Variants in BACH2 observed in about 807,000 individuals in gnomAD.
BACH2 encodes BACH transcriptional regulator 2.
BACH2 carries 5 observed loss-of-function variants against 61.8 expected under a neutral mutation model. That is an observed-to-expected ratio of 0.08 (90% confidence interval 0.04 to 0.17). BACH2 has a LOEUF of 0.17. Among genes scored for constraint, BACH2 ranks in the 10% least tolerant of loss-of-function variants. BACH2 has a pLI of 1.00. For synonymous variants in BACH2, 446 were observed against 440.1 expected (o/e 1.01, Z -0.17); for missense variants, 824 against 1,091.1 (o/e 0.76, Z 3.45).
At chr6:90,085,219 C>A (rs1276802525) in intron 5 of BACH2, among the ~76,000 whole-genome samples, 1 of 152,122 alleles carries the variant, frequency 6.6e-6, no homozygotes, top group African/African-American at 2.4e-5. Flanking sequence ...AAACAGGCAT[C>A]ATAATAATCA....
intron 5 of BACH2, among the ~76,000 whole-genome samples, chr6:90,023,842 C>T (rs959113553): frequency 6.6e-6 from 1 of 152,192 alleles, no homozygotes; most frequent in African/African-American, 2.4e-5. Context: ...ACAATGCTGG[C>T]ATCCTGATCT....
At chr6:90,106,846 A>G (rs1204928649) in intron 4 of BACH2, among the ~76,000 whole-genome samples, 2 of 152,232 alleles carry the variant, frequency 1.3e-5, no homozygotes, top group Non-Finnish European at 2.9e-5. Context: ...CTTGTAGCCT[A>G]AAAACACTGG....
At chr6:90,147,839 T>C (rs927288815) in intron 4 of BACH2, among the ~76,000 whole-genome samples, 1 of 152,184 alleles carries the variant, frequency 6.6e-6, no homozygotes, top group Non-Finnish European at 1.5e-5. Flanking sequence ...TTTCACAAAA[T>C]GATGTTTCAA....
Position 90,150,445 on chromosome 6 carries a change from A to C in BACH2, c.-162+56124T>G, listed in dbSNP as rs188178513. ...AGTCTCAATTTTACTTTCTAGTCTTATTCACATCTACTATCTAACACTTAT... is the reference window on the plus strand; with the variant it reads ...AGTCTCAATTTTACTTTCTAGTCTTCTTCACATCTACTATCTAACACTTAT... On this transcript the variant is annotated intron_variant, in intron 4 of 8. Coordinates refer to ENST00000257749, the MANE Select transcript of BACH2 (RefSeq NM_021813.4). Among the ~76,000 whole-genome samples, 10 of 152,320 alleles carry C rather than the reference A, an allele frequency of 6.6e-5. No individual in the cohort carries two copies. In the East Asian group the frequency reaches 1.9e-3, roughly 29 times the overall value.
intron 3 of BACH2, among the ~76,000 whole-genome samples, chr6:90,213,462 G>A (rs1769425433): frequency 1.3e-5 from 2 of 152,150 alleles, no homozygotes; most frequent in African/African-American, 2.4e-5. Context: ...CTCTCTACCT[G>A]CCTCTTGGCC....
chr6:90,119,760 T>A (rs894647069), intron 4 of BACH2, among the ~76,000 whole-genome samples: 16 of 152,158 alleles, frequency 1.1e-4, no homozygotes, highest in African/African-American at 3.9e-4. Context: ...TAGTTACTAG[T>A]AAAAACAATC....
chr6:90,013,162 T>C (rs899076601), intron 5 of BACH2, among the ~76,000 whole-genome samples: 3 of 152,238 alleles, frequency 2.0e-5, no homozygotes, highest in African/African-American at 7.2e-5. Flanking sequence ...AGCCTGTTTT[T>C]TCTTGGTAGA....
chr6:89,963,657 TA>T (rs1774881164), intron 6 of BACH2, among the ~76,000 whole-genome samples: 1 of 152,136 alleles, frequency 6.6e-6, no homozygotes. Context: ...GAAGGTTCCT[TA>T]AAAAATTACA....
At position 90,004,625 on chromosome 6, in the gene BACH2, T is replaced by C. The variant is rs545969118; in HGVS notation, c.243+3977A>G. 6.6e-5 allele frequency among the ~76,000 whole-genome samples: 10 copies of C among 152,320 alleles called. No homozygotes were observed. In the East Asian group the frequency reaches 1.9e-3, roughly 29 times the overall value. On this transcript the variant is annotated intron_variant, in intron 6 of 8. Transcript: ENST00000257749. ...CTTCTAAGGAAGCACATCCCCTCCC[T>C]GTCCTCTGAACTTGACACGCCATAA...
chr6:90,159,974 C>T (rs1282386415), intron 4 of BACH2, among the ~76,000 whole-genome samples: 1 of 152,146 alleles, frequency 6.6e-6, no homozygotes, highest in Non-Finnish European at 1.5e-5. Context: ...TTTCAACGAG[C>T]TTTCAAAGTA....
intron 6 of BACH2, among the ~76,000 whole-genome samples, chr6:90,002,438 C>A (rs554391756): frequency 1.3e-5 from 2 of 152,336 alleles, no homozygotes; most frequent in African/African-American, 4.8e-5. Flanking sequence ...TACTAGACAT[C>A]TTTACTTAGA....
At chr6:90,165,086 A>G (rs879875801) in intron 4 of BACH2, among the ~76,000 whole-genome samples, 176 of 152,324 alleles carry the variant, frequency 1.2e-3, no homozygotes, top group Middle Eastern at 6.8e-3. Context: ...GGAGAAGGAA[A>G]TAAAGGGTAT....
chr6:90,091,221 C>A (rs1356419842), intron 4 of BACH2, among the ~76,000 whole-genome samples: 1 of 152,182 alleles, frequency 6.6e-6, no homozygotes, highest in African/African-American at 2.4e-5. Flanking sequence ...TTGGTCAGTA[C>A]CATCTATAGC....
intron 3 of BACH2, among the ~76,000 whole-genome samples, chr6:90,225,713 C>T (rs1769890577): frequency 6.6e-6 from 1 of 152,190 alleles, no homozygotes; most frequent in Admixed American, 6.5e-5. Context: ...CACCATGCCA[C>T]ACATTTACCT....
intron 6 of BACH2, among the ~76,000 whole-genome samples, chr6:89,976,633 C>A (rs1582127997): frequency 6.6e-6 from 1 of 152,104 alleles, no homozygotes; most frequent in East Asian, 1.9e-4. Flanking sequence ...GGTCACGTAC[C>A]CACTAAAACG....
At chr6:90,009,241 GACTA>G (rs952746953) in intron 5 of BACH2, among the ~76,000 whole-genome samples, 5 of 152,334 alleles carry the variant, frequency 3.3e-5, no homozygotes, top group South Asian at 2.1e-4. Context: ...TCTATGCAAG[GACTA>G]ACTTAGATTT....
intron 4 of BACH2, among the ~76,000 whole-genome samples, chr6:90,189,906 G>A (rs927915397): frequency 6.6e-6 from 1 of 152,034 alleles, no homozygotes; most frequent in Non-Finnish European, 1.5e-5. Flanking sequence ...CCCCTCTGAA[G>A]CCTCTGCTTC....
intron 4 of BACH2, among the ~76,000 whole-genome samples, chr6:90,120,229 T>C (rs207273): frequency 0.53 from 81,129 of 151,978 alleles, 22,324 homozygotes; most frequent in African/African-American, 0.63. Context: ...TCAAACATCA[T>C]AGGAAGAGGT....
chr6:90,041,560 A>G (rs73497148), intron 5 of BACH2, among the ~76,000 whole-genome samples: 4,692 of 152,104 alleles, frequency 0.031, 237 homozygotes, highest in African/African-American at 0.11. Context: ...GTTTGCTAAT[A>G]TTTTATTTAG....
Sources: gnomAD v4.1 joint callset for allele counts (sites outside exome capture counted in the v4.1 genomes callset) on GRCh38, gnomAD v4.1.1 for gene constraint, MANE v1.5 for transcripts, NCBI Gene and HGNC (gene_info 2026-07-23, HGNC 2026-07-21) for gene names.